CHD1: variants seen among roughly 807,000 people sequenced by gnomAD.
CHD1 encodes the protein ATP-dependent chromatin remodeler CHD1.
Under a neutral mutation model 224.2 loss-of-function variants are expected in CHD1, and 36 were observed. The observed-to-expected ratio is 0.16, with a 90% CI of 0.12 to 0.21. The LOEUF is 0.21. Ranked by LOEUF, CHD1 falls within the 10% of genes least tolerant of loss-of-function variation. The pLI is 1.00. For synonymous variants in CHD1, 668 were observed against 658.3 expected, an observed-to-expected ratio of 1.01 and a Z score of -0.23; for missense variants, 1,378 against 1,994.8, an observed-to-expected ratio of 0.69 and a Z score of 5.89.
chr5:98,920,232 C>G (rs1299255630), intron 2 of CHD1, among the ~76,000 whole-genome samples: 1 of 152,046 alleles, frequency 6.6e-6, no homozygotes, highest in African/African-American at 2.4e-5. Context: ...TATGTAAATA[C>G]TCCCCCCACC....
In CHD1 at chr5:98,901,310, C is replaced by G; in HGVS notation, c.463G>C (p.Gly155Arg). 3.1e-6 allele frequency: 5 copies of G among 1,608,442 alleles called. No individual in the cohort carries two copies. The highest frequency in any genetic ancestry group is 4.2e-6 in the Non-Finnish European group (5 of 1,178,704). ...KDEDWQMSGS[G>R]SPSQSGSDSE... ...TCTGAACCAGACTGAGATGGAGATC[C>G]TGACCCAGACATTTGCCAATCTTCA... The change falls in exon 6 of 36, where the codon GGA becomes CGA. Residue 155 changes from glycine to arginine, a missense_variant. Gly to Arg is a moderately radical substitution (Grantham distance 125, BLOSUM62 -2). Coordinates refer to ENST00000614616, the MANE Select transcript of CHD1 (RefSeq NM_001270.4).
chr5:98,925,560 T>C (rs747125606), intron 2 of CHD1, among the ~76,000 whole-genome samples: 5 of 152,200 alleles, frequency 3.3e-5, no homozygotes, highest in African/African-American at 4.8e-5. Flanking sequence ...AATTTCTATA[T>C]ATGATAATGC....
At chr5:98,904,327 C>T (rs1751912531) in intron 3 of CHD1, among the ~76,000 whole-genome samples, 1 of 152,108 alleles carries the variant, frequency 6.6e-6, no homozygotes, top group Admixed American at 6.5e-5. Flanking sequence ...ATCTGTGTGT[C>T]GATTTATATT....
At chr5:98,875,674 TA>T (rs1212978459) in intron 24 of CHD1, among the ~76,000 whole-genome samples, 1 of 152,188 alleles carries the variant, frequency 6.6e-6, no homozygotes, top group East Asian at 1.9e-4. Flanking sequence ...AAGTGCCTTT[TA>T]AAAAGACTAA....
Position 98,896,359 on chromosome 5 carries a change from T to C in CHD1, c.1577A>G (p.Glu526Gly), listed in dbSNP as rs531435864. Residue 526 changes from glutamate (E) to glycine (G), a missense_variant, in exon 12 of 36, where the codon GAA becomes GGA. Transcript: ENST00000614616. The stretch of plus-strand genomic sequence containing the variant: ...TAAAAAAGGTCCATATAATTGATGT[T>C]CATGAAACAAATAATTCAGAAATGA... ...TISFLNYLFHEHQLYGPFLLV... is the reference protein window; with the variant it reads ...TISFLNYLFHGHQLYGPFLLV... 1 of 1,614,026 alleles carries C rather than the reference T, an allele frequency of 6.2e-7. No homozygotes were observed. Among genetic ancestry groups the C allele is most frequent in the East Asian group, 2.2e-5 (1 of 44,876 alleles).
chr5:98,882,239 G>T, intron 19 of CHD1, 116 bp from the exon 20 acceptor site: 1 of 759,536 alleles, frequency 1.3e-6, no homozygotes, highest in Non-Finnish European at 2.0e-6. Context: ...GTTTTCACTG[G>T]TTAAAAGCAA....
intron 31 of CHD1, 151 bp from the exon 32 acceptor site, chr5:98,863,737 T>C (rs1379804483): frequency 3.7e-6 from 2 of 544,728 alleles, no homozygotes; most frequent in East Asian, 6.7e-5. Context: ...ACAAATCTTA[T>C]ACATCAGGGT....
At chr5:98,858,737 A>G in intron 34 of CHD1, 1 of 432,612 alleles carries the variant, frequency 2.3e-6, no homozygotes, top group Non-Finnish European at 4.1e-6. Flanking sequence ...CTAGAAACTG[A>G]GAAAAGGATG....
chr5:98,909,385 G>A (rs554015346), intron 2 of CHD1, among the ~76,000 whole-genome samples: 1 of 152,114 alleles, frequency 6.6e-6, no homozygotes, highest in Non-Finnish European at 1.5e-5. Context: ...GTGGTGTTGT[G>A]GACTTCTACC....
intron 15 of CHD1, among the ~76,000 whole-genome samples, chr5:98,891,895 T>C (rs1561517310): frequency 6.6e-6 from 1 of 152,238 alleles, no homozygotes; most frequent in Non-Finnish European, 1.5e-5. Flanking sequence ...TTTTTGTATA[T>C]GTCTGACATC....
chr5:98,927,204 A>AT (rs1426727114), intron 1 of CHD1, among the ~76,000 whole-genome samples: 2 of 152,202 alleles, frequency 1.3e-5, no homozygotes, highest in Non-Finnish European at 2.9e-5. Context: ...ACTATATCTG[A>AT]TTTTTTACGT....
At chr5:98,922,745 T>G (rs535609293) in intron 2 of CHD1, among the ~76,000 whole-genome samples, 1 of 152,166 alleles carries the variant, frequency 6.6e-6, no homozygotes. Context: ...CCCCAGTGCT[T>G]TGGGAGGCCA....
intron 2 of CHD1, among the ~76,000 whole-genome samples, chr5:98,913,912 TGA>T (rs1490529810): frequency 2.0e-5 from 3 of 152,210 alleles, no homozygotes; most frequent in Non-Finnish European, 4.4e-5. Context: ...TTTCTTATGA[TGA>T]GAGTAGTAGT....
rs752360959 is a variant in CHD1 at position 98,899,626 on chromosome 5, T to A, written c.939A>T (p.Pro313=). 2.5e-6 allele frequency: 4 copies of A among 1,614,056 alleles called. No individual in the cohort carries two copies. The Admixed American group carries it at 6.7e-5, about 27-fold the overall frequency. ...PNAGFEKNKE[P]GEIQYLIKWK... ...ATTTAATTAAATACTGAATCTCTCC[T>A]GGTTCTTTGTTTTTTTCAAAGCCTG... The change falls in exon 8 of 36, where the codon CCA becomes CCT. Residue 313 remains proline (P), a synonymous_variant. Coordinates refer to ENST00000614616, the MANE Select transcript of CHD1 (RefSeq NM_001270.4).
intron 6 of CHD1, 38 bp downstream of exon 6, chr5:98,901,148 T>C: frequency 6.3e-7 from 1 of 1,586,412 alleles, no homozygotes; most frequent in Admixed American, 1.9e-5. Flanking sequence ...AACAAATACT[T>C]TCCACAATCA....
chr5:98,928,962 G>A lies in CHD1; in HGVS notation c.-572C>T, dbSNP rs147498808. On this transcript the variant is annotated 5_prime_UTR_variant, in exon 1 of 36. Coordinates refer to ENST00000614616, the MANE Select transcript of CHD1 (RefSeq NM_001270.4). ...TCGCCGTCGCCTCCGCCTCCCGCGC[G>A]ACGTAAGCGCCTCTGCTCACTCCCC... The A allele has an allele frequency of 7.4e-3, 1,144 of 153,616 alleles. 8 individuals carry two copies. Among genetic ancestry groups the A allele is most frequent in the South Asian group, 0.012 (68 of 5,484 alleles). The allele number at this position is 153,616 out of a possible 1,614,324, so 9.5% of individuals were successfully genotyped here.
intron 34 of CHD1, chr5:98,858,653 C>CA: frequency 2.3e-6 from 1 of 439,528 alleles, no homozygotes; most frequent in Admixed American, 3.9e-5. Flanking sequence ...GACTCTGATA[C>CA]AGAAAGAATG....
At chr5:98,892,238 G>A (rs1751068378) in intron 15 of CHD1, among the ~76,000 whole-genome samples, 2 of 152,026 alleles carry the variant, frequency 1.3e-5, no homozygotes, top group Non-Finnish European at 2.9e-5. Flanking sequence ...TATTATTGTG[G>A]AAATCCTAAC....
rs530634572 is a variant in CHD1, at chr5:98,924,812, CA to C, written c.53+1521del. On this transcript the variant is annotated intron_variant, in intron 2 of 35. Transcript: ENST00000614616. ...CCAATGTGGCGAAACCCCATCTCTA[CA>C]AAAAAAATACAAAAATTAGCTGGGA... is the stretch of plus-strand genomic sequence containing the variant. Among the ~76,000 whole-genome samples, 832 of 151,418 alleles carry C rather than the reference CA, an allele frequency of 5.5e-3. 6 individuals carry two copies. The highest frequency in any genetic ancestry group is 0.021 in the Middle Eastern group (6 of 290).
Sources: gnomAD v4.1 joint callset for allele counts (sites outside exome capture counted in the v4.1 genomes callset) on GRCh38, gnomAD v4.1.1 for gene constraint, MANE v1.5 for transcripts, NCBI Gene and HGNC (gene_info 2026-07-23, HGNC 2026-07-21) for gene names.